MCPH1: variants seen among roughly 807,000 people sequenced by gnomAD.
The protein encoded by MCPH1 is microcephalin.
Under a neutral mutation model 84.5 loss-of-function variants are expected in MCPH1, and 104 were observed. That is an observed-to-expected ratio of 1.23 (90% confidence interval 1.05 to 1.45). MCPH1 has a LOEUF of 1.45. MCPH1 is among the 40% of genes most tolerant of loss of function. MCPH1 has a pLI of 0.00. For synonymous variants in MCPH1, 514 were observed against 366.8 expected, an observed-to-expected ratio of 1.40 and a Z score of -4.58; for missense variants, 1,498 against 1,005.7, an observed-to-expected ratio of 1.49 and a Z score of -6.62.
intron 12 of MCPH1, among the ~76,000 whole-genome samples, chr8:6,551,567 A>G (rs973902388): frequency 6.6e-6 from 1 of 152,152 alleles, no homozygotes; most frequent in African/African-American, 2.4e-5. Flanking sequence ...AATTTTTTTT[A>G]ACTCATAACA....
intron 12 of MCPH1, chr8:6,503,014 GAC>G: frequency 6.7e-7 from 1 of 1,496,778 alleles, no homozygotes; most frequent in Non-Finnish European, 9.2e-7. Context: ...GGTGGAAGAG[GAC>G]ACAGTGCGCA....
At chr8:6,412,796 A>G (rs1265300639) in intron 2 of MCPH1, among the ~76,000 whole-genome samples, 1 of 152,136 alleles carries the variant, frequency 6.6e-6, no homozygotes, top group Non-Finnish European at 1.5e-5. Flanking sequence ...GATAGCTCCC[A>G]TGGACTTGAT....
chr8:6,560,397 G>C (rs1049434433), intron 12 of MCPH1, among the ~76,000 whole-genome samples: 2 of 152,098 alleles, frequency 1.3e-5, no homozygotes, highest in Non-Finnish European at 2.9e-5. Context: ...GAGAAAATCA[G>C]TGTTTATTAT....
At chr8:6,521,162 T>G in intron 12 of MCPH1, 2 of 1,600,946 alleles carry the variant, frequency 1.2e-6, no homozygotes, top group Non-Finnish European at 1.7e-6. Flanking sequence ...GAAGAAAGCA[T>G]GATATGTAAA....
rs528168935 is a variant in MCPH1 at position 6,612,404 on chromosome 8, C to A, written c.2215-9050C>A. On this transcript the variant is annotated intron_variant, in intron 12 of 13. Transcript: ENST00000344683. ...GGAGAGTTGTTCTGAGGCTTTCATC[C>A]TTCTCCACGTGCCGCCTGGCAGTGC... Among the ~76,000 whole-genome samples, 33 of 152,286 alleles carry A rather than the reference C, an allele frequency of 2.2e-4. 1 individual carries two copies. The South Asian group carries it at 6.6e-3, about 31-fold the overall frequency.
rs1803986198 is a variant in MCPH1, at chr8:6,444,571, C to T, written c.849C>T (p.Leu283=). ...NIHSSPSFTH[L]DKSSPQKFLS... is the part of the protein sequence containing the mutation. ...ATTCATCACCATCTTTCACTCACCTCGATAAATCAAGTCCTCAGAAATTTC... is the reference window on the plus strand; with the variant it reads ...ATTCATCACCATCTTTCACTCACCTTGATAAATCAAGTCCTCAGAAATTTC... The change falls in exon 8 of 14, where the codon CTC becomes CTT. Residue 283 remains leucine, a synonymous_variant. Coordinates refer to ENST00000344683, the MANE Select transcript of MCPH1 (RefSeq NM_024596.5). 12 of 1,614,058 alleles carry T rather than the reference C, an allele frequency of 7.4e-6. No homozygotes were observed. The highest frequency in any genetic ancestry group is 6.7e-5 in the East Asian group (3 of 44,892).
At chr8:6,447,503 G>A in intron 8 of MCPH1, 2 of 758,602 alleles carry the variant, frequency 2.6e-6, no homozygotes, top group African/African-American at 3.8e-5. Context: ...TCAATACGCT[G>A]ATAGAACGGG....
At chr8:6,505,254 T>TAAC (rs1418092977) in intron 12 of MCPH1, among the ~76,000 whole-genome samples, 1 of 129,372 alleles carries the variant, frequency 7.7e-6, no homozygotes, top group African/African-American at 3.0e-5. Context: ...ATATTCTTTA[T>TAAC]ATATGTTTTA....
intron 13 of MCPH1, 122 bp downstream of exon 13, chr8:6,621,813 G>C (rs1344455110): frequency 7.5e-7 from 1 of 1,327,530 alleles, no homozygotes; most frequent in Non-Finnish European, 1.1e-6. Flanking sequence ...TGATGTCTCA[G>C]CCTCCAGCAT....
intron 12 of MCPH1, among the ~76,000 whole-genome samples, chr8:6,525,353 C>T (rs1328277113): frequency 6.6e-6 from 1 of 152,120 alleles, no homozygotes; most frequent in Non-Finnish European, 1.5e-5. Context: ...CCTCAGCCAT[C>T]CAAATAGGAG....
At position 6,645,316 on chromosome 8, in the gene MCPH1, C is replaced by T. The variant is rs1043020181; in HGVS notation, c.*2267C>T. 3 of 152,128 alleles carry T rather than the reference C, an allele frequency of 2.0e-5. No homozygotes were observed. The highest frequency in any genetic ancestry group is 4.4e-5 in the Non-Finnish European group (3 of 68,026). The allele number at this position is 152,128 out of a possible 1,614,324, so 9.4% of individuals were successfully genotyped here. A position where few individuals can be genotyped will look rare whatever the true frequency, so the allele number is the denominator to read the frequency against. On this transcript the variant is annotated 3_prime_UTR_variant, in exon 14 of 14. Transcript: ENST00000344683. ...CTGTTGCTAGACATTACACTAAGCA[C>T]ATTATATGTTGTACTTCATTTTACC...
chr8:6,641,666 T>C (rs1797945155), intron 13 of MCPH1, among the ~76,000 whole-genome samples: 1 of 152,108 alleles, frequency 6.6e-6, no homozygotes, highest in South Asian at 2.1e-4. Flanking sequence ...ATCACCTGAG[T>C]CCAGGAGACT....
At position 6,406,628 on chromosome 8, in the gene MCPH1, A is replaced by G. The variant is rs374802474; in HGVS notation, c.-40A>G. The G allele has an allele frequency of 2.4e-5, 38 of 1,608,204 alleles. No homozygotes were observed. The African/African-American group carries it at 4.5e-4, about 19-fold the overall frequency. ...GCCCGCGCGCGCCGCCAGGCTCGCA[A>G]GCACCGCGTAGGCCAGCTGGCCGGA... On this transcript the variant is annotated 5_prime_UTR_variant, in exon 1 of 14. Transcript: ENST00000344683.
intron 4 of MCPH1, among the ~76,000 whole-genome samples, chr8:6,435,093 C>T (rs184964543): frequency 3.3e-5 from 5 of 152,176 alleles, no homozygotes; most frequent in African/African-American, 9.6e-5. Context: ...CCTGGGGTTT[C>T]ATGTGTTTGT....
intron 8 of MCPH1, chr8:6,445,826 G>A (rs983365581): frequency 4.3e-6 from 5 of 1,163,898 alleles, no homozygotes; most frequent in Non-Finnish European, 5.3e-6. Flanking sequence ...TCCATAGTAT[G>A]AATAACTGAG....
rs570737170 is a variant in MCPH1 at position 6,504,426 on chromosome 8, TCTC to T, written c.2214+4501_2214+4503del. Among the ~76,000 whole-genome samples, 463 of 151,690 alleles carry T rather than the reference TCTC, an allele frequency of 3.1e-3. 7 individuals carry two copies. The highest frequency in any genetic ancestry group is 0.029 in the Admixed American group (440 of 15,226). On this transcript the variant is annotated intron_variant, in intron 12 of 13. Coordinates refer to ENST00000344683, the MANE Select transcript of MCPH1 (RefSeq NM_024596.5). The stretch of plus-strand genomic sequence containing the variant: ...TTCATCCCTCCCAGAACATGAATAA[TCTC>T]CTCTATCCAGTGGATCCACGCTGTC...
At chr8:6,438,796 T>C (rs757175518) in intron 5 of MCPH1, among the ~76,000 whole-genome samples, 157 bp from the exon 6 acceptor site, 4 of 152,120 alleles carry the variant, frequency 2.6e-5, no homozygotes, top group Admixed American at 6.6e-5. Flanking sequence ...TCACTGCCTG[T>C]GGAGGTGGTG....
chr8:6,531,932 C>T (rs1450698573), intron 12 of MCPH1, among the ~76,000 whole-genome samples: 2 of 152,134 alleles, frequency 1.3e-5, no homozygotes, highest in African/African-American at 2.4e-5. Flanking sequence ...GATTTAAGGC[C>T]AGAGTTTCTA....
chr8:6,610,504 A>G (rs543571944), intron 12 of MCPH1, among the ~76,000 whole-genome samples: 1 of 152,282 alleles, frequency 6.6e-6, no homozygotes. Flanking sequence ...CTCTTAGCAA[A>G]AGCCATAATC....
Sources: gnomAD v4.1 joint callset for allele counts (sites outside exome capture counted in the v4.1 genomes callset) on GRCh38, gnomAD v4.1.1 for gene constraint, MANE v1.5 for transcripts, NCBI Gene and HGNC (gene_info 2026-07-23, HGNC 2026-07-21) for gene names.